Variants in MAP2 observed in about 807,000 individuals in gnomAD.
The protein encoded by MAP2 is microtubule-associated protein 2.
In MAP2, 14 loss-of-function variants were observed where a neutral mutation model predicts 137.6. The observed-to-expected ratio is 0.10, with a 90% CI of 0.07 to 0.16. The LOEUF (loss-of-function observed/expected upper bound fraction) is 0.16. Ranked by LOEUF, MAP2 falls within the 10% of genes least tolerant of loss-of-function variation. The pLI is 1.00. For missense variants in MAP2, 2,088 were observed against 2,191.5 expected (o/e 0.95, Z 0.94); for synonymous variants, 786 against 782.3 (o/e 1.00, Z -0.08).
At chr2:209,594,464 G>A (rs80040011) in intron 3 of MAP2, among the ~76,000 whole-genome samples, 2,719 of 152,158 alleles carry the variant, frequency 0.018, 79 homozygotes, top group African/African-American at 0.06. Context: ...CTAAGCTTGG[G>A]GTTTCCTCAG....
chr2:209,608,047 G>A (rs998192201), intron 3 of MAP2, among the ~76,000 whole-genome samples: 3 of 152,082 alleles, frequency 2.0e-5, no homozygotes, highest in Non-Finnish European at 2.9e-5. Context: ...TTTTAAAATG[G>A]AACAGTTGCC....
intron 1 of MAP2, among the ~76,000 whole-genome samples, chr2:209,493,306 A>G (rs1334499160): frequency 6.6e-6 from 1 of 152,260 alleles, no homozygotes; most frequent in African/African-American, 2.4e-5. Flanking sequence ...TTTAAACATA[A>G]TACCTAAAAC....
chr2:209,630,488 A>G (rs1246297557), intron 4 of MAP2, among the ~76,000 whole-genome samples: 6 of 152,142 alleles, frequency 3.9e-5, no homozygotes, highest in Admixed American at 6.6e-5. Context: ...TGATCAATGG[A>G]ATAGACCAGG....
At chr2:209,511,643 C>G (rs1228981633) in intron 2 of MAP2, among the ~76,000 whole-genome samples, 3 of 152,124 alleles carry the variant, frequency 2.0e-5, no homozygotes, top group African/African-American at 7.2e-5. Context: ...ACAATCATGG[C>G]TCACTGCAGC....
At chr2:209,437,139 T>C (rs1476659594) in intron 1 of MAP2, among the ~76,000 whole-genome samples, 2 of 151,716 alleles carry the variant, frequency 1.3e-5, no homozygotes, top group Non-Finnish European at 3.0e-5. Context: ...TGTGTGTGAA[T>C]ATGCTGTTGG....
intron 1 of MAP2, among the ~76,000 whole-genome samples, chr2:209,500,778 T>C (rs2060278309): frequency 6.6e-6 from 1 of 152,146 alleles, no homozygotes; most frequent in African/African-American, 2.4e-5. Flanking sequence ...GTATGGTGGC[T>C]TATGCCTATA....
At chr2:209,527,232 A>G (rs574577575) in intron 2 of MAP2, among the ~76,000 whole-genome samples, 3 of 152,090 alleles carry the variant, frequency 2.0e-5, no homozygotes, top group East Asian at 3.9e-4. Context: ...TCTACCCTGT[A>G]TTTTTCTCCA....
At chr2:209,569,134 C>G (rs575419002) in intron 2 of MAP2, among the ~76,000 whole-genome samples, 24 of 151,822 alleles carry the variant, frequency 1.6e-4, no homozygotes, top group African/African-American at 5.5e-4. Context: ...TACTCAAACT[C>G]CCTATAAATG....
chr2:209,474,366 T>G (rs1439421659), intron 1 of MAP2, among the ~76,000 whole-genome samples: 1 of 152,106 alleles, frequency 6.6e-6, no homozygotes, highest in East Asian at 1.9e-4. Flanking sequence ...TATGAGTCCT[T>G]TGTATAATTT....
Position 209,692,938 on chromosome 2 carries a change from T to A in MAP2, c.768T>A (p.Pro256=), listed in dbSNP as rs1246734523. ...VVPGIDLPKE[P]PTPKEQKDWF... is the part of the protein sequence containing the mutation. Reference sequence around the variant, plus strand: ...CTGGCATTGACCTCCCTAAAGAGCCTCCAACTCCAAAAGAACAAAAGGACT... The same window carrying A: ...CTGGCATTGACCTCCCTAAAGAGCCACCAACTCCAAAAGAACAAAAGGACT... The change falls in exon 8 of 16, where the codon CCT becomes CCA. Residue 256 remains proline, a synonymous_variant. Transcript: ENST00000682079. 1.2e-6 allele frequency: 2 copies of A among 1,613,966 alleles called. No individual in the cohort carries two copies. Among genetic ancestry groups the A allele is most frequent in the South Asian group, 2.2e-5 (2 of 91,078 alleles).
chr2:209,717,416 C>T (rs2068138993), intron 13 of MAP2, among the ~76,000 whole-genome samples: 1 of 152,158 alleles, frequency 6.6e-6, no homozygotes, highest in Admixed American at 6.5e-5. Context: ...CCAGGTCCCT[C>T]CTCCAATTCA....
Position 209,460,631 on chromosome 2 carries a change from TTTCTC to T in MAP2, c.-222+36358_-222+36362del, listed in dbSNP as rs529794140. On this transcript the variant is annotated intron_variant, in intron 1 of 15. Transcript: ENST00000682079. ...TCCTTCTTTCCTTCCTCTTTATTTT[TTTCTC>T]TTTCTTTTCACTCTCTTTTTTCATC... Among the ~76,000 whole-genome samples the T allele has an allele frequency of 6.8e-4, 103 of 152,116 alleles. 1 individual carries two copies. The highest frequency in any genetic ancestry group is 2.2e-3 in the African/African-American group (92 of 41,496).
At chr2:209,493,634 A>T (rs1449602435) in intron 1 of MAP2, among the ~76,000 whole-genome samples, 1 of 152,228 alleles carries the variant, frequency 6.6e-6, no homozygotes, top group Non-Finnish European at 1.5e-5. Flanking sequence ...ATATGAACAG[A>T]CACTTCTCAA....
chr2:209,571,912 C>T (rs868036054), intron 2 of MAP2, among the ~76,000 whole-genome samples: 1 of 151,682 alleles, frequency 6.6e-6, no homozygotes, highest in Non-Finnish European at 1.5e-5. Flanking sequence ...TTGGCTTTAC[C>T]TTGATAAGTG....
At chr2:209,645,729 A>C (rs531638671) in intron 4 of MAP2, among the ~76,000 whole-genome samples, 19 of 152,352 alleles carry the variant, frequency 1.2e-4, no homozygotes, top group Non-Finnish European at 2.1e-4. Flanking sequence ...TATATTCTGC[A>C]GGATTTCAGA....
At chr2:209,720,188 G>C (rs2069701339) in intron 13 of MAP2, among the ~76,000 whole-genome samples, 1 of 152,180 alleles carries the variant, frequency 6.6e-6, no homozygotes, top group Non-Finnish European at 1.5e-5. Flanking sequence ...ATAAGAAATA[G>C]GGTGCTTGGG....
intron 5 of MAP2, among the ~76,000 whole-genome samples, chr2:209,654,443 G>C (rs2095008495): frequency 6.6e-6 from 1 of 152,158 alleles, no homozygotes. Context: ...TGAAATTGTG[G>C]TTGAGAATAA....
intron 5 of MAP2, among the ~76,000 whole-genome samples, chr2:209,667,596 G>A (rs1218620649): frequency 1.3e-5 from 2 of 151,890 alleles, no homozygotes; most frequent in East Asian, 3.8e-4. Flanking sequence ...TTCCTTATAT[G>A]TTGGGAAGAA....
chr2:209,554,164 C>T (rs1184512755), intron 2 of MAP2, among the ~76,000 whole-genome samples: 1 of 152,196 alleles, frequency 6.6e-6, no homozygotes, highest in Non-Finnish European at 1.5e-5. Context: ...CATCTTAATA[C>T]TTGCTTCTGC....
Sources: allele counts gnomAD v4.1 joint callset (sites outside exome capture counted in the v4.1 genomes callset), GRCh38; gene constraint gnomAD v4.1.1; transcripts MANE v1.5; gene names NCBI Gene and HGNC (gene_info 2026-07-23, HGNC 2026-07-21).